STRBP: variants seen among roughly 807,000 people sequenced by gnomAD.
STRBP encodes the protein spermatid perinuclear RNA binding protein.
A neutral mutation model predicts 80.1 loss-of-function variants in STRBP; 13 were observed. The ratio of observed to expected loss-of-function variants is 0.16; its 90% confidence interval spans 0.11 to 0.26. The LOEUF (loss-of-function observed/expected upper bound fraction) is 0.26, where lower values mean the gene tolerates loss of function less well. Ranked by LOEUF, STRBP falls within the 10% of genes least tolerant of loss-of-function variation. STRBP has a pLI of 1.00. For synonymous variants in STRBP, 284 were observed against 291.2 expected, an observed-to-expected ratio of 0.98 and a Z score of 0.25; for missense variants, 485 against 815.2, an observed-to-expected ratio of 0.59 and a Z score of 4.93.
At chr9:123,227,572 T>C (rs868819882) in intron 2 of STRBP, among the ~76,000 whole-genome samples, 39 of 146,588 alleles carry the variant, frequency 2.7e-4, no homozygotes, top group Middle Eastern at 3.4e-3. Flanking sequence ...TTTTTCTTTT[T>C]TTTTTTTTTT....
At chr9:123,186,027 G>A (rs1328026120) in intron 2 of STRBP, among the ~76,000 whole-genome samples, 44 of 49,084 alleles carry the variant, frequency 9.0e-4, no homozygotes, top group Admixed American at 3.4e-4. Flanking sequence ...GCAAGACTCC[G>A]TCTCAAAAAA....
Position 123,128,219 on chromosome 9 carries a change from G to A in STRBP, c.1937C>T (p.Ala646Val). 6.2e-7 allele frequency: 1 copy of A among 1,614,152 alleles called. No individual in the cohort carries two copies. The highest frequency in any genetic ancestry group is 2.2e-5 in the East Asian group (1 of 44,886). Residue 646 changes from alanine (A) to valine (V), a missense_variant, in exon 18 of 19, where the codon GCC (alanine) becomes GTC (valine). Physicochemically the swap from Ala to Val is moderately conservative, Grantham distance 64 (BLOSUM62 0). Transcript: ENST00000348403. ...TPYGYSTAAP[A>V]YGLPKRMVLL... ...CAGTAAGATGGTGTACGTACCATAGGCAGGGGCAGCTGTGCTGTAACCATA... is the reference window on the plus strand; with the variant it reads ...CAGTAAGATGGTGTACGTACCATAGACAGGGGCAGCTGTGCTGTAACCATA...
Position 123,122,123 on chromosome 9 carries a change from A to G in STRBP, c.*3474T>C. On this transcript the variant is annotated 3_prime_UTR_variant, in exon 19 of 19. Transcript: ENST00000348403. ...ACCTAAGAGATCAAATACATCATATATGATTGTCATATATGCATGTTGTCT... is the reference window on the plus strand; with the variant it reads ...ACCTAAGAGATCAAATACATCATATGTGATTGTCATATATGCATGTTGTCT... The G allele has an allele frequency of 3.8e-6, 1 of 261,778 alleles. No individual in the cohort carries two copies. 16.2% of individuals were successfully genotyped at this position (261,778 alleles called of 1,614,324 possible). A position where few individuals can be genotyped will look rare whatever the true frequency, so the allele number is the denominator to read the frequency against.
intron 2 of STRBP, among the ~76,000 whole-genome samples, chr9:123,218,335 T>C (rs898037920): frequency 6.6e-5 from 10 of 151,444 alleles, no homozygotes; most frequent in Admixed American, 3.9e-4. Context: ...TTATACAGCT[T>C]ATTTATACAT....
intron 2 of STRBP, among the ~76,000 whole-genome samples, chr9:123,233,369 G>C (rs570804385): frequency 6.6e-6 from 1 of 152,262 alleles, no homozygotes; most frequent in South Asian, 2.1e-4. Flanking sequence ...GAGCCCCTAT[G>C]CCAGGCTTAT....
At chr9:123,240,942 G>A (rs1230536805) in intron 1 of STRBP, among the ~76,000 whole-genome samples, 1 of 152,194 alleles carries the variant, frequency 6.6e-6, no homozygotes, top group Non-Finnish European at 1.5e-5. Flanking sequence ...CACTTTGGGA[G>A]GCTGAGGCGA....
At chr9:123,157,599 G>C (rs1481565962) in intron 11 of STRBP, among the ~76,000 whole-genome samples, 1 of 152,130 alleles carries the variant, frequency 6.6e-6, no homozygotes, top group African/African-American at 2.4e-5. Flanking sequence ...GACTCACAGT[G>C]CCATATAACT....
intron 11 of STRBP, among the ~76,000 whole-genome samples, chr9:123,153,033 GT>G (rs2037125697): frequency 6.6e-6 from 1 of 152,102 alleles, no homozygotes; most frequent in Non-Finnish European, 1.5e-5. Context: ...GAGGGGTGGT[GT>G]TCTCCATAAA....
In STRBP at chr9:123,122,163, T is replaced by C. The variant is rs867486228; in HGVS notation, c.*3434A>G. On this transcript the variant is annotated 3_prime_UTR_variant, in exon 19 of 19. Transcript: ENST00000348403. ...GCATGTTGTCTTAATTGACTATTTTTCTCTTTAATCAGAAAATAAAAGAGC... is the reference window on the plus strand; with the variant it reads ...GCATGTTGTCTTAATTGACTATTTTCCTCTTTAATCAGAAAATAAAAGAGC... 3.9e-5 allele frequency: 14 copies of C among 362,458 alleles called. No homozygotes were observed. The Middle Eastern group carries it at 1.5e-3, about 39-fold the overall frequency. The allele number at this position is 362,458 out of a possible 1,614,324, so 22.5% of individuals were successfully genotyped here.
chr9:123,135,867 T>C, intron 16 of STRBP, 174 bp downstream of exon 16: 1 of 671,322 alleles, frequency 1.5e-6, no homozygotes, highest in South Asian at 2.2e-5. Flanking sequence ...CCATAGAACA[T>C]GAAACCACTA....
Position 123,158,002 on chromosome 9 carries a change from C to A in STRBP, c.1045+10G>T. On this transcript the variant is annotated intron_variant, in intron 11 of 18. Coordinates refer to ENST00000348403, the MANE Select transcript of STRBP (RefSeq NM_018387.5). ...AACCCCCAACCCTAATAAAAAACTT[C>A]CATGCTCACCTTCTTTATCAGTAAC... The A allele has an allele frequency of 6.2e-7, 1 of 1,603,740 alleles. No individual in the cohort carries two copies.
chr9:123,194,267 TA>T (rs1474425269), intron 2 of STRBP, among the ~76,000 whole-genome samples: 1 of 152,190 alleles, frequency 6.6e-6, no homozygotes, highest in East Asian at 1.9e-4. Context: ...TCATTAACCA[TA>T]TATTCTTCCT....
intron 12 of STRBP, 129 bp downstream of exon 12, chr9:123,147,649 G>A (rs1007136170): frequency 2.8e-6 from 2 of 716,886 alleles, no homozygotes; most frequent in Non-Finnish European, 4.2e-6. Flanking sequence ...CTGCACTCCA[G>A]TCTCAGTGAC....
chr9:123,161,689 T>C (rs1373192366), intron 6 of STRBP, among the ~76,000 whole-genome samples: 1 of 152,182 alleles, frequency 6.6e-6, no homozygotes, highest in African/African-American at 2.4e-5. Context: ...AAATTACAAA[T>C]ATAAAATACA....
chr9:123,113,541 G>A (rs2132275358), intron 3 of STRBP: 1 of 167,380 alleles, frequency 6.0e-6, no homozygotes, highest in Non-Finnish European at 1.5e-5. Context: ...ATGCTCTTTA[G>A]CCACCTGCTC....
Position 123,124,319 on chromosome 9 carries a change from C to T in STRBP, c.*1278G>A. ...GCTGCTCCTTCATGGGGGTGAGTACCTTAATGAAACCATTGACCTAGTAAC... is the reference window on the plus strand; with the variant it reads ...GCTGCTCCTTCATGGGGGTGAGTACTTTAATGAAACCATTGACCTAGTAAC... On this transcript the variant is annotated 3_prime_UTR_variant, in exon 19 of 19. Coordinates refer to ENST00000348403, the MANE Select transcript of STRBP (RefSeq NM_018387.5). The T allele has an allele frequency of 2.0e-6, 2 of 985,328 alleles. No homozygotes were observed. The highest frequency in any genetic ancestry group is 9.4e-5 in the South Asian group (2 of 21,278). 61.0% of individuals were successfully genotyped at this position (985,328 alleles called of 1,614,324 possible). A position where few individuals can be genotyped will look rare whatever the true frequency, so the allele number is the denominator to read the frequency against.
chr9:123,130,457 C>T lies in STRBP; in HGVS notation c.1898-2199G>A, dbSNP rs556863858. Among the ~76,000 whole-genome samples the T allele has an allele frequency of 7.2e-5, 11 of 152,188 alleles. No individual in the cohort carries two copies. In the South Asian group the frequency reaches 8.3e-4, roughly 11 times the overall value. ...AAGCCTGGCAACGAGTGGCCATAAACGGTTCCTTTCATGATTACTGCCACT... is the reference window on the plus strand; with the variant it reads ...AAGCCTGGCAACGAGTGGCCATAAATGGTTCCTTTCATGATTACTGCCACT... On this transcript the variant is annotated intron_variant, in intron 17 of 18. Transcript: ENST00000348403.
At chr9:123,186,410 G>A (rs1185099299) in intron 2 of STRBP, among the ~76,000 whole-genome samples, 4 of 152,156 alleles carry the variant, frequency 2.6e-5, no homozygotes, top group Non-Finnish European at 5.9e-5. Context: ...AGCTTCAGAT[G>A]TAGTGGAAAA....
At chr9:123,143,876 T>C (rs1309508015) in intron 13 of STRBP, among the ~76,000 whole-genome samples, 1 of 152,136 alleles carries the variant, frequency 6.6e-6, no homozygotes, top group East Asian at 1.9e-4. Context: ...GAGTTAGCTA[T>C]TTAAACATTC....
Sources: gnomAD v4.1 joint callset for allele counts (sites outside exome capture counted in the v4.1 genomes callset) on GRCh38, gnomAD v4.1.1 for gene constraint, MANE v1.5 for transcripts, NCBI Gene and HGNC (gene_info 2026-07-23, HGNC 2026-07-21) for gene names.